Variants in IL1RAP observed in about 807,000 individuals in gnomAD.
IL1RAP encodes the protein interleukin 1 receptor accessory protein.
IL1RAP carries 35 observed loss-of-function variants against 60.7 expected under a neutral mutation model. The observed-to-expected ratio is 0.58, with a 90% CI of 0.44 to 0.76. The LOEUF is 0.76. IL1RAP is among the 30% of genes least tolerant of loss of function. The pLI is 0.00. For missense variants in IL1RAP, 572 were observed against 693.9 expected, an observed-to-expected ratio of 0.82 and a Z score of 1.97; for synonymous variants, 268 against 250.9, an observed-to-expected ratio of 1.07 and a Z score of -0.64.
At position 190,645,812 on chromosome 3, in the gene IL1RAP, A is replaced by G. The variant is rs1484070359; in HGVS notation, c.1315A>G (p.Ile439Val). The G allele has an allele frequency of 1.2e-6, 2 of 1,613,760 alleles. No homozygotes were observed. The highest frequency in any genetic ancestry group is 2.2e-5 in the East Asian group (1 of 44,866). Reference protein sequence around the residue: ...LENEFGYKLCIFDRDSLPGGI... With the variant: ...LENEFGYKLCVFDRDSLPGGI... ...GAATGAATTTGGATACAAGCTGTGC[A>G]TCTTTGACCGAGACAGTCTGCCTGG... Residue 439 changes from isoleucine (I) to valine (V), a missense_variant, in exon 11 of 12, where the codon ATC becomes GTC. Coordinates refer to ENST00000447382, the MANE Select transcript of IL1RAP (RefSeq NM_002182.4).
At chr3:190,653,533 T>C (rs1410187156), downstream of IL1RAP, among the ~76,000 whole-genome samples, 1 of 152,084 alleles carries the variant, frequency 6.6e-6, no homozygotes, top group Admixed American at 6.5e-5. Context: ...AGGTTTGCTG[T>C]TCTTTTATCT....
chr3:190,584,926 A>G (rs1015562282), intron 3 of IL1RAP, among the ~76,000 whole-genome samples: 3 of 152,196 alleles, frequency 2.0e-5, no homozygotes, highest in Non-Finnish European at 4.4e-5. Flanking sequence ...GAAGATGAAA[A>G]TGACCATTGC....
At chr3:190,534,911 A>AT in intron 1 of IL1RAP, among the ~76,000 whole-genome samples, 1 of 136,720 alleles carries the variant, frequency 7.3e-6, no homozygotes, top group South Asian at 2.2e-4. Context: ...GTGTAAGAGA[A>AT]TTAAAAAAAA....
intron 3 of IL1RAP, among the ~76,000 whole-genome samples, chr3:190,586,262 A>G (rs1373166648): frequency 2.6e-5 from 4 of 152,196 alleles, no homozygotes; most frequent in African/African-American, 9.7e-5. Flanking sequence ...CTTGACAGTG[A>G]GATCTTTGAG....
At chr3:190,559,004 G>C (rs982088872) in intron 2 of IL1RAP, among the ~76,000 whole-genome samples, 5 of 152,158 alleles carry the variant, frequency 3.3e-5, no homozygotes, top group African/African-American at 1.2e-4. Flanking sequence ...CTGAAATGAT[G>C]GTGTCAGCAG....
intron 1 of IL1RAP, among the ~76,000 whole-genome samples, chr3:190,528,470 A>G (rs1005829680): frequency 6.6e-6 from 1 of 152,336 alleles, no homozygotes; most frequent in East Asian, 1.9e-4. Context: ...ATATAAGGTG[A>G]TACCACACAT....
At chr3:190,527,870 C>G (rs1039359595) in intron 1 of IL1RAP, among the ~76,000 whole-genome samples, 2 of 145,458 alleles carry the variant, frequency 1.4e-5, no homozygotes, top group African/African-American at 5.3e-5. Context: ...CACACACACA[C>G]GAGAATGGTG....
intron 3 of IL1RAP, among the ~76,000 whole-genome samples, chr3:190,587,003 C>G (rs1560191785): frequency 6.6e-6 from 1 of 152,190 alleles, no homozygotes; most frequent in Non-Finnish European, 1.5e-5. Context: ...TGAGTGCCCA[C>G]CCACTTCCGT....
chr3:190,606,089 G>T (rs1730300483), intron 4 of IL1RAP, among the ~76,000 whole-genome samples: 1 of 152,084 alleles, frequency 6.6e-6, no homozygotes, highest in Non-Finnish European at 1.5e-5. Flanking sequence ...GGGGGTTGCA[G>T]GTAAGGGGGA....
chr3:190,647,754 T>C (rs1254161949), intron 11 of IL1RAP, among the ~76,000 whole-genome samples: 1 of 152,178 alleles, frequency 6.6e-6, no homozygotes, highest in African/African-American at 2.4e-5. Context: ...GCTTCTAGTC[T>C]AAGGACATAG....
chr3:190,634,771 A>G (rs1241043345), intron 9 of IL1RAP, among the ~76,000 whole-genome samples: 4 of 142,238 alleles, frequency 2.8e-5, no homozygotes, highest in African/African-American at 8.2e-5. Context: ...GCTGGAGTGC[A>G]GTGGCGCGAT....
intron 1 of IL1RAP, among the ~76,000 whole-genome samples, chr3:190,536,418 G>A (rs2108550052): frequency 6.6e-6 from 1 of 152,166 alleles, no homozygotes; most frequent in South Asian, 2.1e-4. Flanking sequence ...AGGTATGACT[G>A]CATGCCTCTG....
chr3:190,650,341 T>G lies in IL1RAP; in HGVS notation c.*1636T>G. On this transcript the variant is annotated 3_prime_UTR_variant, in exon 12 of 12. Transcript: ENST00000447382. ...AGTGGCATCTGCTGTGCACAGAGCT[T>G]CCATGGTCACTGCTAAGCAGTAGCC... 2.0e-6 allele frequency: 2 copies of G among 985,366 alleles called. No individual in the cohort carries two copies. The highest frequency in any genetic ancestry group is 2.4e-6 in the Non-Finnish European group (2 of 829,886). 61.0% of individuals were successfully genotyped at this position (985,366 alleles called of 1,614,324 possible).
intron 7 of IL1RAP, 71 bp from the exon 8 acceptor site, chr3:190,627,251 TG>T: frequency 6.5e-6 from 8 of 1,231,100 alleles, no homozygotes; most frequent in Non-Finnish European, 8.6e-6. Context: ...ACTTTGTCTT[TG>T]TTTTTTGTTT....
Position 190,649,226 on chromosome 3 carries a change from CT to C in IL1RAP, c.*522del, listed in dbSNP as rs1462111808. The C allele has an allele frequency of 1.0e-6, 1 of 985,778 alleles. No homozygotes were observed. The highest frequency in any genetic ancestry group is 1.7e-5 in the African/African-American group (1 of 57,226). 61.1% of individuals were successfully genotyped at this position (985,778 alleles called of 1,614,324 possible). On this transcript the variant is annotated 3_prime_UTR_variant, in exon 12 of 12. Coordinates refer to ENST00000447382, the MANE Select transcript of IL1RAP (RefSeq NM_002182.4). Reference sequence around the variant, plus strand: ...TGTATAATACATAACCACAGCAAGACTGACATCCACTTAGGATGATACAAAG... The same window carrying C: ...TGTATAATACATAACCACAGCAAGACGACATCCACTTAGGATGATACAAAG...
chr3:190,643,039 T>A (rs546338246), intron 9 of IL1RAP, among the ~76,000 whole-genome samples: 1 of 152,312 alleles, frequency 6.6e-6, no homozygotes, highest in South Asian at 2.1e-4. Flanking sequence ...TTCATTGAGA[T>A]ACTAGGCATT....
chr3:190,558,935 G>C (rs759272104), intron 2 of IL1RAP, among the ~76,000 whole-genome samples: 1 of 152,164 alleles, frequency 6.6e-6, no homozygotes, highest in Non-Finnish European at 1.5e-5. Context: ...CAGTTTCTGT[G>C]GGTCAGAAGG....
exon 12 of IL1RAP, chr3:190,658,930 AC>A (rs1393296877): frequency 6.6e-6 from 1 of 152,206 alleles, no homozygotes; most frequent in African/African-American, 2.4e-5. Flanking sequence ...ACTTAGCACA[AC>A]CCAAAGGCCT....
intron 1 of IL1RAP, among the ~76,000 whole-genome samples, chr3:190,546,253 CTTGTT>C (rs1379241105): frequency 6.6e-6 from 1 of 152,100 alleles, no homozygotes. Flanking sequence ...AAAAGTATGG[CTTGTT>C]TTGTTTTAAT....
Sources: gnomAD v4.1 joint callset for allele counts (sites outside exome capture counted in the v4.1 genomes callset) on GRCh38, gnomAD v4.1.1 for gene constraint, MANE v1.5 for transcripts, NCBI Gene and HGNC (gene_info 2026-07-23, HGNC 2026-07-21) for gene names.